The following PCCA variants were observed in gnomAD, a reference collection of about 807,000 sequenced individuals.
PCCA encodes the protein propionyl-CoA carboxylase alpha chain, mitochondrial.
A neutral mutation model predicts 101.3 loss-of-function variants in PCCA; 74 were observed. That is an observed-to-expected ratio of 0.73 (90% CI 0.61 to 0.89). The LOEUF (loss-of-function observed/expected upper bound fraction) is 0.89, where lower values mean the gene tolerates loss of function less well. Ranked by LOEUF, PCCA falls within the 40% of genes least tolerant of loss-of-function variation. PCCA has a pLI of 0.00. For synonymous variants in PCCA, 294 were observed against 313.6 expected (o/e 0.94, Z 0.66); for missense variants, 891 against 907.0 (o/e 0.98, Z 0.23).
At chr13:100,439,493 C>A (rs970185621) in intron 20 of PCCA, among the ~76,000 whole-genome samples, 4 of 152,092 alleles carry the variant, frequency 2.6e-5, no homozygotes, top group African/African-American at 7.2e-5. Flanking sequence ...AGTGTGGAAC[C>A]TGCTGGATGA....
chr13:100,307,499 CAATAAT>C (rs1408754877), intron 15 of PCCA, among the ~76,000 whole-genome samples: 1 of 152,096 alleles, frequency 6.6e-6, no homozygotes, highest in Non-Finnish European at 1.5e-5. Context: ...CATGCATGAA[CAATAAT>C]AATAATAAAC....
chr13:100,288,789 T>C (rs920329920), intron 12 of PCCA, among the ~76,000 whole-genome samples: 4 of 152,160 alleles, frequency 2.6e-5, no homozygotes, highest in Admixed American at 1.3e-4. Flanking sequence ...CTTTCCTTTT[T>C]CCCTTCTTTT....
intron 20 of PCCA, among the ~76,000 whole-genome samples, chr13:100,444,692 T>G (rs1272411415): frequency 6.6e-6 from 1 of 151,466 alleles, no homozygotes; most frequent in Non-Finnish European, 1.5e-5. Flanking sequence ...CCGCCCACCT[T>G]GGCCTCCCAA....
intron 6 of PCCA, among the ~76,000 whole-genome samples, chr13:100,192,935 T>G (rs1332823829): frequency 6.6e-6 from 1 of 152,186 alleles, no homozygotes; most frequent in South Asian, 2.1e-4. Context: ...GGTACATGTG[T>G]TGTTGTTTGT....
intron 7 of PCCA, among the ~76,000 whole-genome samples, chr13:100,230,935 C>T (rs746533723): frequency 1.7e-4 from 26 of 152,148 alleles, no homozygotes; most frequent in Non-Finnish European, 3.7e-4. Context: ...TTTCCTTGCT[C>T]TGAGGCTACA....
At chr13:100,223,535 G>A (rs1040136916) in intron 7 of PCCA, among the ~76,000 whole-genome samples, 2 of 152,158 alleles carry the variant, frequency 1.3e-5, no homozygotes, top group Admixed American at 6.5e-5. Flanking sequence ...GAGCGTTATA[G>A]CTCATAAAGG....
At chr13:100,306,975 G>A (rs534103513) in intron 14 of PCCA, among the ~76,000 whole-genome samples, 2 of 152,232 alleles carry the variant, frequency 1.3e-5, no homozygotes, top group East Asian at 3.9e-4. Flanking sequence ...TATTTTTGCT[G>A]TTTTTTAGTT....
At chr13:100,287,250 A>C (rs1391626994) in intron 12 of PCCA, among the ~76,000 whole-genome samples, 5 of 152,108 alleles carry the variant, frequency 3.3e-5, no homozygotes, top group Non-Finnish European at 7.4e-5. Context: ...TATATATTAT[A>C]GTACAGTATC....
At position 100,170,498 on chromosome 13, in the gene PCCA, A is replaced by T. The variant is rs543673646; in HGVS notation, c.468+13158A>T. ...ATTTAAGGATATTACAATGTTCCTA[A>T]GTTACCATTTTGACTCATAATATGT... On this transcript the variant is annotated intron_variant, in intron 6 of 23. Coordinates refer to ENST00000376285, the MANE Select transcript of PCCA (RefSeq NM_000282.4). Among the ~76,000 whole-genome samples, 4 of 152,332 alleles carry T rather than the reference A, an allele frequency of 2.6e-5. No homozygotes were observed. In the East Asian group the frequency reaches 7.7e-4, roughly 29 times the overall value.
At chr13:100,235,243 A>G (rs2060719271) in intron 7 of PCCA, among the ~76,000 whole-genome samples, 1 of 151,458 alleles carries the variant, frequency 6.6e-6, no homozygotes, top group Admixed American at 6.6e-5. Flanking sequence ...TAATTTATGT[A>G]ACAAGATACA....
At chr13:100,490,485 G>C (rs2084823614) in intron 21 of PCCA, 1 of 152,202 alleles carries the variant, frequency 6.6e-6, no homozygotes, top group Non-Finnish European at 1.5e-5. Context: ...AGATAAATCT[G>C]TTCACACGGC....
At chr13:100,198,998 C>T (rs1375701907) in intron 6 of PCCA, among the ~76,000 whole-genome samples, 3 of 151,046 alleles carry the variant, frequency 2.0e-5, no homozygotes, top group African/African-American at 7.3e-5. Flanking sequence ...GGGCATAGAG[C>T]TGCTGAAGCT....
intron 7 of PCCA, among the ~76,000 whole-genome samples, chr13:100,213,912 G>T (rs1475857971): frequency 2.0e-5 from 3 of 152,130 alleles, no homozygotes; most frequent in Non-Finnish European, 2.9e-5. Context: ...TTTGTATATG[G>T]CAAGAGATAA....
At chr13:100,406,581 A>C (rs531917625) in intron 19 of PCCA, among the ~76,000 whole-genome samples, 38 of 152,242 alleles carry the variant, frequency 2.5e-4, no homozygotes, top group African/African-American at 9.1e-4. Context: ...GCACATGCCT[A>C]TAATCCCAGC....
chr13:100,188,457 A>G (rs1464027699), intron 6 of PCCA, among the ~76,000 whole-genome samples: 2 of 152,210 alleles, frequency 1.3e-5, no homozygotes, highest in East Asian at 1.9e-4. Context: ...CTACTCGTCA[A>G]TTGATGGGTA....
At chr13:100,364,548 A>G (rs909543472) in intron 18 of PCCA, among the ~76,000 whole-genome samples, 1 of 152,242 alleles carries the variant, frequency 6.6e-6, no homozygotes, top group Non-Finnish European at 1.5e-5. Flanking sequence ...GTTAACTGGC[A>G]TATATGCCCA....
chr13:100,341,140 AGT>A, intron 18 of PCCA, among the ~76,000 whole-genome samples: 1 of 152,306 alleles, frequency 6.6e-6, no homozygotes, highest in East Asian at 1.9e-4. Flanking sequence ...GGAAGCTTAC[AGT>A]GTATCTTTTT....
At chr13:100,107,990 G>A (rs954014780) in intron 2 of PCCA, among the ~76,000 whole-genome samples, 1 of 152,190 alleles carries the variant, frequency 6.6e-6, no homozygotes, top group Non-Finnish European at 1.5e-5. Context: ...TACCCATTGT[G>A]CTGTATCCTT....
intron 16 of PCCA, among the ~76,000 whole-genome samples, chr13:100,330,322 C>G (rs1297430892): frequency 6.6e-6 from 1 of 152,126 alleles, no homozygotes; most frequent in Non-Finnish European, 1.5e-5. Flanking sequence ...ACTTTTGCAC[C>G]ACCCTAATAC....
Sources: gnomAD v4.1 joint callset for allele counts (sites outside exome capture counted in the v4.1 genomes callset) on GRCh38, gnomAD v4.1.1 for gene constraint, MANE v1.5 for transcripts, NCBI Gene and HGNC (gene_info 2026-07-23, HGNC 2026-07-21) for gene names.